IL1RAPL2: variants seen among roughly 807,000 people sequenced by gnomAD.
IL1RAPL2 encodes X-linked interleukin-1 receptor accessory protein-like 2.
In IL1RAPL2, 3 loss-of-function variants were observed where a neutral mutation model predicts 44.1. That is an observed-to-expected ratio of 0.07 (90% CI 0.03 to 0.18). The LOEUF is 0.18. Ranked by LOEUF, IL1RAPL2 falls within the 10% of genes least tolerant of loss-of-function variation. The probability of loss-of-function intolerance (pLI) is 1.00; values close to 1 mark genes in which losing one functional copy is unlikely to be tolerated. For synonymous variants in IL1RAPL2, 181 were observed against 178.8 expected (o/e 1.01, Z -0.10); for missense variants, 391 against 496.4 (o/e 0.79, Z 2.02).
At chrX:105,054,442 TTTTAG>T (rs761792339) in intron 2 of IL1RAPL2, among the ~76,000 whole-genome samples, 1 of 111,726 alleles carries the variant, frequency 9.0e-6, no homozygotes, top group Non-Finnish European at 1.9e-5. Context: ...GTCTGTTTAC[TTTTAG>T]TTACTTATTT....
intron 4 of IL1RAPL2, 56 bp downstream of exon 4, chrX:105,234,060 G>A (rs1003275953): frequency 8.2e-6 from 8 of 980,514 alleles, no homozygotes; most frequent in Non-Finnish European, 9.7e-6. Flanking sequence ...CAGTCTTGGG[G>A]ATGAGGAAAG....
At chrX:104,842,778 G>A (rs1025717690) in intron 2 of IL1RAPL2, among the ~76,000 whole-genome samples, 1 of 112,550 alleles carries the variant, frequency 8.9e-6, no homozygotes, top group Non-Finnish European at 1.9e-5. Context: ...CCTCCCAGAG[G>A]GGCACTGGCC....
At chrX:105,419,962 T>C (rs1187569669) in intron 5 of IL1RAPL2, among the ~76,000 whole-genome samples, 1 of 111,429 alleles carries the variant, frequency 9.0e-6, no homozygotes, top group Non-Finnish European at 1.9e-5. Flanking sequence ...ATGAAATAGT[T>C]ACAAATGCGT....
intron 8 of IL1RAPL2, among the ~76,000 whole-genome samples, chrX:105,742,734 C>T (rs2038511111): frequency 9.0e-6 from 1 of 111,389 alleles, no homozygotes; most frequent in African/African-American, 3.3e-5. Context: ...CACTTATATG[C>T]TAACTACTCC....
At chrX:104,798,517 T>A (rs897649705) in intron 2 of IL1RAPL2, among the ~76,000 whole-genome samples, 1 of 107,202 alleles carries the variant, frequency 9.3e-6, no homozygotes. Flanking sequence ...AAAAAAAAAA[T>A]TAGCCAGGCG....
At chrX:105,288,145 A>T (rs1404448817) in intron 5 of IL1RAPL2, among the ~76,000 whole-genome samples, 1 of 111,179 alleles carries the variant, frequency 9.0e-6, no homozygotes, top group African/African-American at 3.3e-5. Flanking sequence ...TGTTCACTAG[A>T]CATTAAATTT....
intron 3 of IL1RAPL2, among the ~76,000 whole-genome samples, chrX:105,217,960 G>A (rs1234481669): frequency 9.0e-6 from 1 of 111,125 alleles, no homozygotes; most frequent in East Asian, 2.9e-4. Context: ...TGGGGTGTGA[G>A]GAGAGGGAGA....
At chrX:104,750,906 A>G (rs1052639988) in intron 2 of IL1RAPL2, among the ~76,000 whole-genome samples, 4 of 111,093 alleles carry the variant, frequency 3.6e-5, no homozygotes, top group Non-Finnish European at 7.6e-5. Context: ...TTAAAAATTC[A>G]TAGCTGCTTT....
At chrX:104,963,930 TGTGTGAGAGAGAGA>T (rs1326760754) in intron 2 of IL1RAPL2, among the ~76,000 whole-genome samples, 2 of 82,408 alleles carry the variant, frequency 2.4e-5, no homozygotes, top group Non-Finnish European at 4.9e-5. Flanking sequence ...TGTGTGTGTG[TGTGTGAGAGAGAGA>T]GAGAGAGAGA....
intron 6 of IL1RAPL2, among the ~76,000 whole-genome samples, chrX:105,560,844 T>C (rs2036930967): frequency 9.1e-6 from 1 of 109,815 alleles, no homozygotes; most frequent in African/African-American, 3.3e-5. Flanking sequence ...AATACATATA[T>C]ATTTTATATG....
intron 6 of IL1RAPL2, among the ~76,000 whole-genome samples, chrX:105,488,968 T>C (rs1468518555): frequency 8.9e-6 from 1 of 112,109 alleles, no homozygotes; most frequent in Non-Finnish European, 1.9e-5. Context: ...TTAGATACGT[T>C]TTTGCTGATT....
Position 105,726,526 on chromosome X carries a change from CAGAT to C in IL1RAPL2, c.902+9032_902+9035del, listed in dbSNP as rs1333831254. 3.6e-5 allele frequency among the ~76,000 whole-genome samples: 4 copies of C among 111,599 alleles called. No homozygotes were observed. The Admixed American group carries it at 3.8e-4, about 11-fold the overall frequency. ...CTATTAATCAGGCTGGGAGGACAGA[CAGAT>C]AAAGCCAGCTGCAAAGTTAGCAGAA... On this transcript the variant is annotated intron_variant, in intron 7 of 10. Coordinates refer to ENST00000372582, the MANE Select transcript of IL1RAPL2 (RefSeq NM_017416.2).
chrX:104,739,038 G>A (rs924180986), intron 2 of IL1RAPL2, among the ~76,000 whole-genome samples: 32 of 111,495 alleles, frequency 2.9e-4, no homozygotes, highest in Non-Finnish European at 5.8e-4. Flanking sequence ...TTTCAAATGG[G>A]TTCTAAGAGG....
chrX:104,645,840 T>C (rs1602660126), intron 1 of IL1RAPL2, among the ~76,000 whole-genome samples: 1 of 112,564 alleles, frequency 8.9e-6, no homozygotes, highest in Admixed American at 9.4e-5. Context: ...TTGGTAAAAC[T>C]GTTAGAATGA....
chrX:105,219,831 CTACCAGG>C lies in IL1RAPL2; in HGVS notation c.357-13985_357-13979del, dbSNP rs1165355293. 1.7e-5 allele frequency: 19 copies of C among 1,097,540 alleles called. No individual in the cohort carries two copies. The African/African-American group carries it at 3.3e-4, about 19-fold the overall frequency. The allele number at this position is 1,097,540 out of a possible 1,213,427, so 90.4% of individuals were successfully genotyped here. A position where few individuals can be genotyped will look rare whatever the true frequency, so the allele number is the denominator to read the frequency against. On this transcript the variant is annotated intron_variant, in intron 3 of 10. Transcript: ENST00000372582. ...GAGCACTAAGCAGGGTAGGACGGAG[CTACCAGG>C]TGGGAAGGGCGGGGCAGGGCGAAGC...
At chrX:105,076,578 G>A (rs1389527954) in intron 2 of IL1RAPL2, among the ~76,000 whole-genome samples, 1 of 111,084 alleles carries the variant, frequency 9.0e-6, no homozygotes, top group Non-Finnish European at 1.9e-5. Flanking sequence ...GCAGAGCTGA[G>A]TTCAACTCCT....
intron 2 of IL1RAPL2, among the ~76,000 whole-genome samples, chrX:104,770,194 A>G (rs1293204203): frequency 9.0e-6 from 1 of 111,174 alleles, no homozygotes; most frequent in East Asian, 2.8e-4. Flanking sequence ...GCCTGCTCCC[A>G]GAATAATCTT....
At chrX:104,785,850 G>A (rs896496777) in intron 2 of IL1RAPL2, among the ~76,000 whole-genome samples, 3 of 112,056 alleles carry the variant, frequency 2.7e-5, no homozygotes, top group South Asian at 3.7e-4. Context: ...AGCAAATGTC[G>A]TGCATGCTTC....
In IL1RAPL2 at chrX:105,301,782, A is replaced by G. The variant is rs763870706; in HGVS notation, c.697+34241A>G. On this transcript the variant is annotated intron_variant, in intron 5 of 10. Transcript: ENST00000372582. ...TAAAAATCCATTAATCTGTTGATGG[A>G]CACTTGGTTGCTTCCAAATCTTGGC... 3.6e-5 allele frequency among the ~76,000 whole-genome samples: 4 copies of G among 112,234 alleles called. No individual in the cohort carries two copies. In the South Asian group the frequency reaches 1.1e-3, roughly 31 times the overall value.
Sources: gnomAD v4.1 joint callset for allele counts (sites outside exome capture counted in the v4.1 genomes callset) on GRCh38, gnomAD v4.1.1 for gene constraint, MANE v1.5 for transcripts, NCBI Gene and HGNC (gene_info 2026-07-23, HGNC 2026-07-21) for gene names.